PALLD: variants seen among roughly 807,000 people sequenced by gnomAD.
PALLD encodes palladin, cytoskeletal associated protein, also known as palladin.
PALLD carries 61 observed loss-of-function variants against 123.5 expected under a neutral mutation model. The ratio of observed to expected loss-of-function variants is 0.49; its 90% CI spans 0.40 to 0.61. The LOEUF is 0.61. Among genes scored for constraint, PALLD ranks in the 20% least tolerant of loss-of-function variants. PALLD has a pLI of 0.00. For synonymous variants in PALLD, 465 were observed against 496.4 expected (o/e 0.94, Z 0.84); for missense variants, 1,273 against 1,377.0 (o/e 0.92, Z 1.20).
chr4:168,852,229 A>G (rs1747905815), intron 10 of PALLD, among the ~76,000 whole-genome samples: 1 of 152,188 alleles, frequency 6.6e-6, no homozygotes, highest in Non-Finnish European at 1.5e-5. Flanking sequence ...CCAGCAATAC[A>G]AAGCACCCTG....
At chr4:168,811,772 T>TCACACACA (rs1290275045) in intron 10 of PALLD, among the ~76,000 whole-genome samples, 18 of 98,396 alleles carry the variant, frequency 1.8e-4, no homozygotes, top group African/African-American at 5.9e-4. Flanking sequence ...TCTCTCTCTC[T>TCACACACA]CTCTCACACA....
At chr4:168,837,869 A>C (rs530460916) in intron 10 of PALLD, among the ~76,000 whole-genome samples, 1 of 152,326 alleles carries the variant, frequency 6.6e-6, no homozygotes, top group Admixed American at 6.5e-5. Flanking sequence ...CGTGGAGCTT[A>C]TATGCCAGTG....
chr4:168,828,370 G>T (rs1248719136), intron 10 of PALLD, among the ~76,000 whole-genome samples: 1 of 152,206 alleles, frequency 6.6e-6, no homozygotes, highest in Non-Finnish European at 1.5e-5. Context: ...ATGTCGATTT[G>T]TGGTAGCAGT....
intron 2 of PALLD, among the ~76,000 whole-genome samples, chr4:168,628,697 C>T (rs777084411): frequency 2.0e-5 from 3 of 152,176 alleles, no homozygotes; most frequent in Non-Finnish European, 4.4e-5. Flanking sequence ...CATCCCCAAC[C>T]CCCATTATCT....
intron 2 of PALLD, among the ~76,000 whole-genome samples, chr4:168,588,104 T>A (rs773698819): frequency 6.6e-5 from 10 of 151,946 alleles, no homozygotes; most frequent in Non-Finnish European, 1.3e-4. Flanking sequence ...GTCTGCGGAG[T>A]GCCCATTCCT....
intron 16 of PALLD, among the ~76,000 whole-genome samples, chr4:168,915,691 T>C (rs914541751): frequency 6.6e-6 from 1 of 152,206 alleles, no homozygotes. Flanking sequence ...TAGCCTGCAA[T>C]TGGCAGACAA....
intron 10 of PALLD, among the ~76,000 whole-genome samples, chr4:168,810,643 C>CAA (rs60307198): frequency 4.3e-5 from 6 of 139,502 alleles, no homozygotes; most frequent in African/African-American, 1.6e-4. Flanking sequence ...AACTCTGTCT[C>CAA]AAAAAAAAAA....
intron 8 of PALLD, among the ~76,000 whole-genome samples, chr4:168,706,251 C>A (rs947767583): frequency 1.3e-5 from 2 of 152,056 alleles, no homozygotes; most frequent in African/African-American, 4.8e-5. Flanking sequence ...TGGAATTTTG[C>A]AGTATTTCTC....
In PALLD at chr4:168,821,704, C is replaced by T. The variant is rs141465246; in HGVS notation, c.1965-69218C>T. ...CAGCCTGGCCAAAATGGTGAAACCT[C>T]GTCTCTACTAAAAAAAAATACAAAA... is the stretch of plus-strand genomic sequence containing the variant. On this transcript the variant is annotated intron_variant, in intron 10 of 21. Transcript: ENST00000505667. Among the ~76,000 whole-genome samples, 608 of 151,606 alleles carry T rather than the reference C, an allele frequency of 4.0e-3. 3 individuals are homozygous for T. Among genetic ancestry groups the T allele is most frequent in the East Asian group, 0.034 (173 of 5,140 alleles).
At chr4:168,526,686 G>A (rs1247663603) in intron 2 of PALLD, among the ~76,000 whole-genome samples, 1 of 152,186 alleles carries the variant, frequency 6.6e-6, no homozygotes, top group Non-Finnish European at 1.5e-5. Flanking sequence ...TAGGGGGCAA[G>A]TGTTAGAAAT....
intron 2 of PALLD, among the ~76,000 whole-genome samples, chr4:168,554,741 T>C (rs1305651817): frequency 6.6e-6 from 1 of 152,212 alleles, no homozygotes; most frequent in Admixed American, 6.5e-5. Flanking sequence ...TTTCGTTTAA[T>C]AATCTTGATT....
intron 2 of PALLD, among the ~76,000 whole-genome samples, chr4:168,607,255 C>G (rs911130725): frequency 6.6e-6 from 1 of 152,138 alleles, no homozygotes; most frequent in African/African-American, 2.4e-5. Context: ...CAGATTCCCT[C>G]CCTCATATTC....
intron 10 of PALLD, among the ~76,000 whole-genome samples, chr4:168,801,411 TG>T (rs1390082419): frequency 1.3e-5 from 2 of 152,196 alleles, no homozygotes; most frequent in African/African-American, 4.8e-5. Context: ...CCTGAGTAGC[TG>T]GGATTATAGG....
At chr4:168,686,162 G>A (rs1782026400) in intron 6 of PALLD, among the ~76,000 whole-genome samples, 1 of 152,156 alleles carries the variant, frequency 6.6e-6, no homozygotes. Context: ...TGTATTTAAT[G>A]TAATCTGGCT....
intron 10 of PALLD, among the ~76,000 whole-genome samples, chr4:168,790,725 A>G (rs1241589766): frequency 6.6e-6 from 1 of 152,206 alleles, no homozygotes; most frequent in African/African-American, 2.4e-5. Flanking sequence ...ATCTGTCAGC[A>G]TCTGCTAGCA....
At chr4:168,646,768 G>A (rs565411274) in intron 2 of PALLD, among the ~76,000 whole-genome samples, 63 of 152,308 alleles carry the variant, frequency 4.1e-4, no homozygotes, top group Middle Eastern at 3.4e-3. Flanking sequence ...TAGCCATGAT[G>A]TCTTACACTA....
chr4:168,913,713 T>C (rs111309699), intron 15 of PALLD, among the ~76,000 whole-genome samples: 5 of 152,092 alleles, frequency 3.3e-5, no homozygotes, highest in African/African-American at 7.2e-5. Flanking sequence ...AAAAAAGACC[T>C]TGTCACCTTC....
intron 10 of PALLD, chr4:168,878,290 CG>C: frequency 6.5e-7 from 1 of 1,527,246 alleles, no homozygotes; most frequent in Non-Finnish European, 8.7e-7. Flanking sequence ...CCACCCGCTT[CG>C]GCCACAGCCA....
At chr4:168,805,355 T>G (rs1325790071) in intron 10 of PALLD, among the ~76,000 whole-genome samples, 2 of 152,096 alleles carry the variant, frequency 1.3e-5, no homozygotes, top group Non-Finnish European at 2.9e-5. Context: ...AGCTTTGCTT[T>G]AAGGGAGGGA....
Sources: gnomAD v4.1 joint callset for allele counts (sites outside exome capture counted in the v4.1 genomes callset) on GRCh38, gnomAD v4.1.1 for gene constraint, MANE v1.5 for transcripts, NCBI Gene and HGNC (gene_info 2026-07-23, HGNC 2026-07-21) for gene names.